The following MPPED1 variants were observed in gnomAD, a reference collection of about 807,000 sequenced individuals.
The protein encoded by MPPED1 is metallophosphoesterase domain containing 1, also known as metallophosphoesterase domain-containing protein 1.
A neutral mutation model predicts 36.2 loss-of-function variants in MPPED1; 16 were observed. The observed-to-expected ratio is 0.44, with a 90% confidence interval of 0.30 to 0.67. The LOEUF is 0.67. Ranked by LOEUF, MPPED1 falls within the 30% of genes least tolerant of loss-of-function variation. MPPED1 has a pLI of 0.10. For synonymous variants in MPPED1, 199 were observed against 191.3 expected (o/e 1.04, Z -0.33); for missense variants, 307 against 453.4 (o/e 0.68, Z 2.93).
rs947597710 is a variant in MPPED1 at position 43,474,295 on chromosome 22, G to T, written c.407-441G>T. 6.6e-6 allele frequency among the ~76,000 whole-genome samples: 1 copy of T among 152,224 alleles called. No homozygotes were observed. Among genetic ancestry groups the T allele is most frequent in the Non-Finnish European group, 1.5e-5 (1 of 68,040 alleles). ...CCAGGATGAGGCCAGGCACTCTGCA[G>T]CTCAGCAGCCTGGGAGGAACCTGTC... On this transcript the variant is annotated intron_variant, in intron 3 of 6. Transcript: ENST00000443721. The surrounding 1 kb of genome is among the most constrained non-coding windows in gnomAD (Gnocchi z 5.2).
rs906632613 is a variant in MPPED1 at position 43,474,094 on chromosome 22, G to T, written c.407-642G>T. On this transcript the variant is annotated intron_variant, in intron 3 of 6. Transcript: ENST00000443721. This position sits in a 1 kb window ranked among gnomAD's most constrained non-coding sequence, Gnocchi z 5.2. ...TGGGGTCTCCAAACATTTGAACTGG[G>T]CTCTGCAAAGACCTTGCAATTCCTT... Among the ~76,000 whole-genome samples, 1 of 152,158 alleles carries T rather than the reference G, an allele frequency of 6.6e-6. No homozygotes were observed. The highest frequency in any genetic ancestry group is 2.4e-5 in the African/African-American group (1 of 41,430).
At position 43,425,114 on chromosome 22, in the gene MPPED1, C is replaced by T. The variant is rs1272460430; in HGVS notation, c.129C>T (p.Leu43=). The change falls in exon 2 of 7, where the codon CTC becomes CTT. Residue 43 remains leucine, a synonymous_variant. Transcript: ENST00000443721. Reference sequence around the variant, plus strand: ...CTCGGCGGCACCAGCACAGCCGGCTCATCATCGAGGTGGACGAGTACAGCT... The same window carrying T: ...CTCGGCGGCACCAGCACAGCCGGCTTATCATCGAGGTGGACGAGTACAGCT... ...MAARRHQHSR[L]IIEVDEYSSN... is the part of the protein sequence containing the mutation. The T allele has an allele frequency of 2.5e-6, 4 of 1,613,852 alleles. No individual in the cohort carries two copies. Among genetic ancestry groups the T allele is most frequent in the Non-Finnish European group, 3.4e-6 (4 of 1,179,890 alleles).
At chr22:43,441,595 G>A (rs1569070922) in intron 3 of MPPED1, among the ~76,000 whole-genome samples, 1 of 152,200 alleles carries the variant, frequency 6.6e-6, no homozygotes, top group African/African-American at 2.4e-5. Context: ...ACTCAGGCAG[G>A]GGAGGAAGAT....
chr22:43,488,846 C>T (rs750784425), intron 4 of MPPED1, among the ~76,000 whole-genome samples: 33 of 152,260 alleles, frequency 2.2e-4, no homozygotes, highest in Non-Finnish European at 3.8e-4. Flanking sequence ...CCTCCTCAGG[C>T]GCTGTGGTGT....
chr22:43,424,791 C>A, intron 1 of MPPED1, 117 bp from the exon 2 acceptor site: 1 of 1,338,826 alleles, frequency 7.5e-7, no homozygotes, highest in Non-Finnish European at 9.8e-7. Flanking sequence ...AGCTGTACGA[C>A]TGTGTTTTTT....
rs930384050 is a variant in MPPED1 at position 43,468,601 on chromosome 22, C to T, written c.407-6135C>T. Among the ~76,000 whole-genome samples, 6 of 152,294 alleles carry T rather than the reference C, an allele frequency of 3.9e-5. No individual in the cohort carries two copies. The East Asian group carries it at 7.7e-4, about 20-fold the overall frequency. On this transcript the variant is annotated intron_variant, in intron 3 of 6. Transcript: ENST00000443721. ...ATGTAACCTTGGACAAGTCTCTTCCCCTTTCTGAGCTCCAGTTTTCTCCTG... is the reference window on the plus strand; with the variant it reads ...ATGTAACCTTGGACAAGTCTCTTCCTCTTTCTGAGCTCCAGTTTTCTCCTG...
At chr22:43,492,362 T>C (rs911243533) in intron 4 of MPPED1, among the ~76,000 whole-genome samples, 70 of 152,082 alleles carry the variant, frequency 4.6e-4, no homozygotes, top group African/African-American at 1.5e-3. Context: ...GTGATACGTA[T>C]TTCTGCAGAG....
chr22:43,486,828 G>A (rs1302834304), intron 4 of MPPED1, among the ~76,000 whole-genome samples: 3 of 152,112 alleles, frequency 2.0e-5, no homozygotes, highest in Non-Finnish European at 4.4e-5. Flanking sequence ...TTACCTCTGA[G>A]GCTTCATCTG....
At chr22:43,461,445 G>T (rs775465090) in intron 3 of MPPED1, among the ~76,000 whole-genome samples, 2 of 152,146 alleles carry the variant, frequency 1.3e-5, no homozygotes, top group African/African-American at 4.8e-5. Context: ...TCGGATTGTT[G>T]GTTGATTTCC....
chr22:43,412,207 G>A, intron 1 of MPPED1, 49 bp downstream of exon 1: 2 of 937,690 alleles, frequency 2.1e-6, no homozygotes. Context: ...GGGAGGCCGG[G>A]CGCGGGGCGC....
At position 43,460,265 on chromosome 22, in the gene MPPED1, C is replaced by CA. The variant is rs959493488; in HGVS notation, c.407-14471_407-14470insA. The stretch of plus-strand genomic sequence containing the variant: ...AACAAAAACAAAAACAAACCCAAAC[C>CA]CCCCCCCCCAAACCCAAAGCAAAAC... On this transcript the variant is annotated intron_variant, in intron 3 of 6. Transcript: ENST00000443721. 8.0e-4 allele frequency among the ~76,000 whole-genome samples: 99 copies of CA among 123,446 alleles called. 2 individuals are homozygous for CA. The highest frequency in any genetic ancestry group is 3.4e-3 in the African/African-American group (97 of 28,226). 81.0% of individuals were successfully genotyped at this position (123,446 alleles called of 152,430 possible). A position where few individuals can be genotyped will look rare whatever the true frequency, so the allele number is the denominator to read the frequency against.
chr22:43,459,553 A>G (rs1050024031), intron 3 of MPPED1, among the ~76,000 whole-genome samples: 1 of 152,114 alleles, frequency 6.6e-6, no homozygotes, highest in African/African-American at 2.4e-5. Context: ...GATGATTTCA[A>G]CAGATCTGTC....
At chr22:43,447,859 T>TTTTATATATATATATATA (rs1555899992) in intron 3 of MPPED1, among the ~76,000 whole-genome samples, 3 of 62,522 alleles carry the variant, frequency 4.8e-5, no homozygotes, top group Admixed American at 2.7e-4. Context: ...TATGTAAATA[T>TTTTATATATATATATATA]TATATATATA....
intron 4 of MPPED1, among the ~76,000 whole-genome samples, chr22:43,492,527 G>C (rs1462189324): frequency 6.6e-6 from 1 of 152,124 alleles, no homozygotes; most frequent in South Asian, 2.1e-4. Flanking sequence ...GCCTGTGGGT[G>C]GGGGTCCCTG....
intron 6 of MPPED1, among the ~76,000 whole-genome samples, chr22:43,503,476 C>A (rs1932766861): frequency 6.6e-6 from 1 of 152,206 alleles, no homozygotes. Flanking sequence ...CATCTCCTGG[C>A]CTCCGGAACC....
At chr22:43,489,914 C>T (rs1383445162) in intron 4 of MPPED1, among the ~76,000 whole-genome samples, 3 of 152,182 alleles carry the variant, frequency 2.0e-5, no homozygotes, top group South Asian at 2.1e-4. Flanking sequence ...GTGGTGGTGC[C>T]GTCTAATCCT....
Position 43,474,601 on chromosome 22 carries a change from G to A in MPPED1, c.407-135G>A, listed in dbSNP as rs961841216. ...GCCCTATGAGTACAAGATCGTGATC[G>A]CGGGCAACCACGAGCTGACCTTTGA... On this transcript the variant is annotated intron_variant, in intron 3 of 6. Coordinates refer to ENST00000443721, the MANE Select transcript of MPPED1 (RefSeq NM_001044370.2). The surrounding 1 kb of genome is among the most constrained non-coding windows in gnomAD (Gnocchi z 5.2). 22 of 1,529,202 alleles carry A rather than the reference G, an allele frequency of 1.4e-5. No individual in the cohort carries two copies. Among genetic ancestry groups the A allele is most frequent in the Admixed American group, 8.7e-5 (5 of 57,752 alleles). The allele number at this position is 1,529,202 out of a possible 1,614,324, so 94.7% of individuals were successfully genotyped here. A position where few individuals can be genotyped will look rare whatever the true frequency, so the allele number is the denominator to read the frequency against.
intron 4 of MPPED1, among the ~76,000 whole-genome samples, chr22:43,489,707 C>T (rs1291490131): frequency 1.3e-5 from 2 of 152,036 alleles, no homozygotes; most frequent in South Asian, 2.1e-4. Flanking sequence ...TTAGTAGAGA[C>T]GGGTTTTCAC....
chr22:43,484,309 G>T (rs1375057157), intron 4 of MPPED1, among the ~76,000 whole-genome samples: 1 of 152,234 alleles, frequency 6.6e-6, no homozygotes, highest in African/African-American at 2.4e-5. Flanking sequence ...TCTTACAGAT[G>T]GGTCAGGTAA....
Sources: gnomAD v4.1 joint callset for allele counts (sites outside exome capture counted in the v4.1 genomes callset) on GRCh38, gnomAD v4.1.1 for gene constraint, Gnocchi (gnomAD v3.1) non-coding constraint, MANE v1.5 for transcripts, NCBI Gene and HGNC (gene_info 2026-07-23, HGNC 2026-07-21) for gene names.